The following FAM135B variants were observed in gnomAD, a reference collection of about 807,000 sequenced individuals.
FAM135B encodes the protein family with sequence similarity 135 member B.
A neutral mutation model predicts 127.7 loss-of-function variants in FAM135B; 43 were observed. The observed-to-expected ratio is 0.34, with a 90% CI of 0.26 to 0.43. The LOEUF is 0.43. FAM135B is among the 20% of genes least tolerant of loss of function. FAM135B has a pLI of 1.00. For synonymous variants in FAM135B, 670 were observed against 665.1 expected (o/e 1.01, Z -0.11); for missense variants, 1,558 against 1,725.6 (o/e 0.90, Z 1.72).
At position 138,243,074 on chromosome 8, in the gene FAM135B, C is replaced by CA; in HGVS notation, c.543-7dup. 6.2e-7 allele frequency: 1 copy of CA among 1,603,984 alleles called. No homozygotes were observed. The highest frequency in any genetic ancestry group is 8.5e-7 in the Non-Finnish European group (1 of 1,176,304). ...CTCTTCCTGGACGAGTAAAACTAAACAAAAGATAATTGAAAGGGTGAAAAA... is the reference window on the plus strand; with the variant it reads ...CTCTTCCTGGACGAGTAAAACTAAACAAAAAGATAATTGAAAGGGTGAAAAA... On this transcript the variant is annotated splice_region_variant and splice_polypyrimidine_tract_variant and intron_variant, in intron 6 of 19. Coordinates refer to ENST00000395297, the MANE Select transcript of FAM135B (RefSeq NM_015912.4). The surrounding 1 kb of genome is among the most constrained non-coding windows in gnomAD (Gnocchi z 7.5).
chr8:138,278,468 G>T (rs924049216), intron 3 of FAM135B, among the ~76,000 whole-genome samples: 1 of 151,458 alleles, frequency 6.6e-6, no homozygotes, highest in Admixed American at 6.6e-5. Flanking sequence ...AGGATGACTT[G>T]AGGGATGTGA....
chr8:138,265,732 G>C lies in FAM135B; in HGVS notation c.268C>G (p.Arg90Gly), dbSNP rs1161818747. 1.2e-6 allele frequency: 2 copies of C among 1,613,984 alleles called. No homozygotes were observed. ...EVPINDAVVF[R>G]VHLLLGGERM... ...TCACCACCCAAGAGTAAATGAACTCGGAAGACCACAGCATCATTTATGGGT... is the reference window on the plus strand; with the variant it reads ...TCACCACCCAAGAGTAAATGAACTCCGAAGACCACAGCATCATTTATGGGT... The change falls in exon 4 of 20, where the codon CGA becomes GGA. Residue 90 changes from arginine to glycine, a missense_variant. Arg to Gly is a moderately radical substitution (Grantham distance 125). This residue lies in a region of FAM135B where 199 missense variants were observed against 245.7 expected (regional missense o/e 0.81). Transcript: ENST00000395297.
intron 1 of FAM135B, among the ~76,000 whole-genome samples, chr8:138,391,963 G>A (rs1482173443): frequency 6.6e-6 from 1 of 152,168 alleles, no homozygotes; most frequent in Non-Finnish European, 1.5e-5. Flanking sequence ...CTGCCTAGAG[G>A]AGGATGGGTC....
chr8:138,449,707 T>C (rs1836387733), intron 1 of FAM135B, among the ~76,000 whole-genome samples: 1 of 152,098 alleles, frequency 6.6e-6, no homozygotes. Flanking sequence ...GAGGAAGGTA[T>C]AGAGATTTCC....
intron 3 of FAM135B, among the ~76,000 whole-genome samples, chr8:138,291,882 T>G (rs1475758281): frequency 6.6e-6 from 1 of 152,152 alleles, no homozygotes; most frequent in Non-Finnish European, 1.5e-5. Context: ...AGGGTGTCCA[T>G]TATTACCACT....
chr8:138,328,950 A>C (rs886788994), intron 2 of FAM135B, among the ~76,000 whole-genome samples: 1 of 152,236 alleles, frequency 6.6e-6, no homozygotes, highest in Non-Finnish European at 1.5e-5. Flanking sequence ...TGCCTAACTT[A>C]TCCTTTTGGA....
intron 11 of FAM135B, among the ~76,000 whole-genome samples, chr8:138,174,626 T>A (rs1309215268): frequency 1.3e-5 from 2 of 152,228 alleles, no homozygotes; most frequent in Non-Finnish European, 2.9e-5. Flanking sequence ...ATGTTTTTTG[T>A]TAATGTCTAC....
intron 1 of FAM135B, among the ~76,000 whole-genome samples, chr8:138,372,653 G>C (rs991912589): frequency 3.9e-5 from 6 of 152,100 alleles, no homozygotes; most frequent in Admixed American, 3.9e-4. Flanking sequence ...ACATACATAA[G>C]GCACTCAGAA....
rs1814571431 is a variant in FAM135B, at chr8:138,177,340, T to C, written c.1103+7A>G. ...AGGGATGAAGTGGGCATGCAATGGA[T>C]ACTTACAGATTCTCCTGAAATGTCA... On this transcript the variant is annotated splice_region_variant and intron_variant, in intron 11 of 19. Transcript: ENST00000395297. The C allele has an allele frequency of 6.2e-7, 1 of 1,613,028 alleles. No homozygotes were observed. The highest frequency in any genetic ancestry group is 8.5e-7 in the Non-Finnish European group (1 of 1,179,304).
chr8:138,161,812 A>G (rs1331726847), intron 12 of FAM135B, among the ~76,000 whole-genome samples: 1 of 152,196 alleles, frequency 6.6e-6, no homozygotes, highest in Non-Finnish European at 1.5e-5. Flanking sequence ...AGAAATTCCG[A>G]GCCTCCCTTC....
At chr8:138,329,440 A>G (rs912148737) in intron 2 of FAM135B, among the ~76,000 whole-genome samples, 2 of 152,200 alleles carry the variant, frequency 1.3e-5, no homozygotes, top group Non-Finnish European at 2.9e-5. Flanking sequence ...AAGGGATTTC[A>G]TTATGTGTGT....
intron 1 of FAM135B, among the ~76,000 whole-genome samples, chr8:138,418,553 G>T (rs1372267465): frequency 6.6e-6 from 1 of 151,562 alleles, no homozygotes; most frequent in African/African-American, 2.4e-5. Context: ...GAGAGAAGAG[G>T]TAGATAATGT....
chr8:138,292,834 G>T (rs1488137568), intron 3 of FAM135B, among the ~76,000 whole-genome samples: 1 of 151,858 alleles, frequency 6.6e-6, no homozygotes, highest in Non-Finnish European at 1.5e-5. Context: ...ACTGCCCAGA[G>T]CAATCTACAG....
At chr8:138,207,303 T>C (rs948616823) in intron 7 of FAM135B, among the ~76,000 whole-genome samples, 1 of 151,500 alleles carries the variant, frequency 6.6e-6, no homozygotes, top group African/African-American at 2.4e-5. Context: ...CTGCAACCTC[T>C]GCCTCCTGGG....
At chr8:138,434,342 A>T (rs1205199823) in intron 1 of FAM135B, among the ~76,000 whole-genome samples, 1 of 152,228 alleles carries the variant, frequency 6.6e-6, no homozygotes, top group South Asian at 2.1e-4. Flanking sequence ...AGGAAAGCTT[A>T]CAAGAAGGTG....
chr8:138,264,097 A>C (rs1822738273), intron 4 of FAM135B, among the ~76,000 whole-genome samples: 1 of 152,020 alleles, frequency 6.6e-6, no homozygotes, highest in Non-Finnish European at 1.5e-5. Context: ...CCTCAGCCTT[A>C]GTGCTTTTCC....
At chr8:138,395,445 A>C (rs1197437833) in intron 1 of FAM135B, among the ~76,000 whole-genome samples, 1 of 152,132 alleles carries the variant, frequency 6.6e-6, no homozygotes, top group Non-Finnish European at 1.5e-5. Flanking sequence ...GGAAAAACTG[A>C]GACACCTGAG....
intron 3 of FAM135B, among the ~76,000 whole-genome samples, chr8:138,300,134 AGGGATCCAGTGT>A (rs953746093): frequency 1.3e-5 from 2 of 152,026 alleles, no homozygotes; most frequent in Non-Finnish European, 2.9e-5. Context: ...AAGGGCTCTA[AGGGATCCAGTGT>A]GGGGTGTATG....
At chr8:138,202,259 G>C (rs1000276745) in intron 7 of FAM135B, among the ~76,000 whole-genome samples, 3 of 146,840 alleles carry the variant, frequency 2.0e-5, no homozygotes, top group African/African-American at 5.0e-5. Context: ...TTTTTTTTTT[G>C]TTTTGCTTGA....
Sources: gnomAD v4.1 joint callset for allele counts (sites outside exome capture counted in the v4.1 genomes callset) on GRCh38, gnomAD v4.1.1 for gene constraint, gnomAD v4.1.1 regional missense constraint, Gnocchi (gnomAD v3.1) non-coding constraint, MANE v1.5 for transcripts, NCBI Gene and HGNC (gene_info 2026-07-23, HGNC 2026-07-21) for gene names.